Variants in XKR6 observed in about 807,000 individuals in gnomAD.
The protein encoded by XKR6 is XK related 6, also known as XK-related protein 6.
In XKR6, 22 loss-of-function variants were observed where a neutral mutation model predicts 56.7. That is an observed-to-expected ratio of 0.39 (90% CI 0.28 to 0.55). The LOEUF is 0.55. Ranked by LOEUF, XKR6 falls within the 20% of genes least tolerant of loss-of-function variation. The pLI is 0.66. For synonymous variants in XKR6, 524 were observed against 387.8 expected, an observed-to-expected ratio of 1.35 and a Z score of -4.13; for missense variants, 852 against 889.0, an observed-to-expected ratio of 0.96 and a Z score of 0.53.
rs143881192 is a variant in XKR6 at position 10,931,349 on chromosome 8, C to T, written c.765-6519G>A. Among the ~76,000 whole-genome samples, 920 of 151,988 alleles carry T rather than the reference C, an allele frequency of 6.1e-3. 8 individuals are homozygous for T. Among genetic ancestry groups the T allele is most frequent in the Middle Eastern group, 0.027 (8 of 294 alleles). On this transcript the variant is annotated intron_variant, in intron 1 of 2. Transcript: ENST00000416569. ...ATGCAATATAGTAAGATGACAATTG[C>T]CCTCAAATTAATCTACAGATGTAAC...
chr8:10,905,093 C>T (rs1800150289), intron 2 of XKR6, among the ~76,000 whole-genome samples: 2 of 152,130 alleles, frequency 1.3e-5, no homozygotes, highest in South Asian at 4.1e-4. Flanking sequence ...CAGCGGGTAG[C>T]CAGGGTCAAG....
At chr8:10,999,804 T>G (rs1055819672) in intron 1 of XKR6, among the ~76,000 whole-genome samples, 1 of 152,194 alleles carries the variant, frequency 6.6e-6, no homozygotes, top group Non-Finnish European at 1.5e-5. Context: ...CGGGACAGCA[T>G]GAGATGCTCA....
At chr8:11,049,914 T>A (rs1799502751) in intron 1 of XKR6, among the ~76,000 whole-genome samples, 1 of 152,108 alleles carries the variant, frequency 6.6e-6, no homozygotes, top group Non-Finnish European at 1.5e-5. Flanking sequence ...GAAGGACATT[T>A]CCCCCTTCTG....
intron 1 of XKR6, among the ~76,000 whole-genome samples, chr8:10,962,283 A>C (rs767131952): frequency 1.3e-5 from 2 of 152,132 alleles, no homozygotes; most frequent in Non-Finnish European, 2.9e-5. Flanking sequence ...ACATAGTACA[A>C]CTCTGTTCCC....
intron 1 of XKR6, among the ~76,000 whole-genome samples, chr8:11,007,785 T>C (rs1380092527): frequency 6.6e-6 from 1 of 152,208 alleles, no homozygotes; most frequent in Non-Finnish European, 1.5e-5. Flanking sequence ...AGTCTATCTC[T>C]GGTGTCCCCT....
At chr8:10,938,266 C>T (rs956500715) in intron 1 of XKR6, among the ~76,000 whole-genome samples, 15 of 152,282 alleles carry the variant, frequency 9.9e-5, no homozygotes, top group Middle Eastern at 6.8e-3. Flanking sequence ...GGCTCGCGCA[C>T]GGTGCGCGCA....
At chr8:11,005,567 C>G (rs1266278294) in intron 1 of XKR6, among the ~76,000 whole-genome samples, 1 of 152,092 alleles carries the variant, frequency 6.6e-6, no homozygotes, top group South Asian at 2.1e-4. Flanking sequence ...GGGAAGTTTT[C>G]TGTTATTTAT....
intron 1 of XKR6, among the ~76,000 whole-genome samples, chr8:10,998,733 T>C (rs1193868320): frequency 6.6e-6 from 1 of 152,188 alleles, no homozygotes; most frequent in Non-Finnish European, 1.5e-5. Context: ...CGCTGGGCTC[T>C]CTGCAGAGAA....
At chr8:11,023,120 C>T (rs1271293807) in intron 1 of XKR6, among the ~76,000 whole-genome samples, 2 of 152,204 alleles carry the variant, frequency 1.3e-5, no homozygotes, top group African/African-American at 4.8e-5. Context: ...GAACTCGTCT[C>T]AATCACTGAG....
intron 1 of XKR6, among the ~76,000 whole-genome samples, chr8:11,132,081 C>G (rs1358513970): frequency 3.9e-5 from 6 of 152,116 alleles, no homozygotes; most frequent in Admixed American, 1.3e-4. Context: ...CTGCTGCACT[C>G]CACTGACCCG....
intron 1 of XKR6, among the ~76,000 whole-genome samples, chr8:11,013,995 C>A (rs184279229): frequency 6.6e-6 from 1 of 152,236 alleles, no homozygotes. Flanking sequence ...TTTGTCCAAA[C>A]GTGCCTTTAC....
chr8:11,141,445 A>G (rs4840549), intron 1 of XKR6, among the ~76,000 whole-genome samples: 79,983 of 152,096 alleles, frequency 0.53, 25,016 homozygotes, highest in African/African-American at 0.86. Context: ...TGTGAAGCTG[A>G]AAGCCAGGAT....
At position 11,176,857 on chromosome 8, in the gene XKR6, C is replaced by T. The variant is rs150908789; in HGVS notation, c.764+23719G>A. ...TAGCTGGACGCTGGGCAAAGTCTGGCACCCTGGCAGCAAGATGCCCCTGCC... is the reference window on the plus strand; with the variant it reads ...TAGCTGGACGCTGGGCAAAGTCTGGTACCCTGGCAGCAAGATGCCCCTGCC... On this transcript the variant is annotated intron_variant, in intron 1 of 2. Transcript: ENST00000416569. 4.8e-3 allele frequency among the ~76,000 whole-genome samples: 733 copies of T among 152,326 alleles called. 2 individuals are homozygous for T. Among genetic ancestry groups the T allele is most frequent in the African/African-American group, 0.017 (707 of 41,570 alleles).
At chr8:11,195,198 G>A (rs765248313) in intron 1 of XKR6, 2 of 703,128 alleles carry the variant, frequency 2.8e-6, no homozygotes, top group Admixed American at 4.0e-5. Flanking sequence ...TCTTTTCCTT[G>A]ATGGTACCAA....
chr8:11,100,669 A>G (rs980200891), intron 1 of XKR6, among the ~76,000 whole-genome samples: 4 of 152,192 alleles, frequency 2.6e-5, no homozygotes, highest in African/African-American at 9.7e-5. Flanking sequence ...AACACAACAG[A>G]ATTTTGCTGT....
intron 1 of XKR6, among the ~76,000 whole-genome samples, chr8:10,962,194 C>T (rs528036169): frequency 1.3e-5 from 2 of 152,302 alleles, no homozygotes; most frequent in East Asian, 3.9e-4. Flanking sequence ...TAAGAAAATG[C>T]AAACCATAAG....
intron 1 of XKR6, chr8:11,137,602 T>C: frequency 2.2e-6 from 1 of 456,188 alleles, no homozygotes; most frequent in South Asian, 1.5e-5. Context: ...GAACCAGCTC[T>C]TCTACACCAA....
In XKR6 at chr8:11,108,668, G is replaced by T. The variant is rs79049995; in HGVS notation, c.764+91908C>A. On this transcript the variant is annotated intron_variant, in intron 1 of 2. Coordinates refer to ENST00000416569, the MANE Select transcript of XKR6 (RefSeq NM_173683.4). ...TGCCATGTGGCTCAGTTCTATGCGTGGAAAAGCAATGAGCGACCTTCAAGA... is the reference window on the plus strand; with the variant it reads ...TGCCATGTGGCTCAGTTCTATGCGTTGAAAAGCAATGAGCGACCTTCAAGA... The T allele has an allele frequency of 4.0e-3, 885 of 220,886 alleles. 12 individuals are homozygous for T. Among genetic ancestry groups the T allele is most frequent in the African/African-American group, 0.02 (848 of 42,606 alleles). 13.7% of individuals were successfully genotyped at this position (220,886 alleles called of 1,614,324 possible).
intron 1 of XKR6, among the ~76,000 whole-genome samples, chr8:11,181,402 T>C (rs1802973984): frequency 6.6e-6 from 1 of 152,336 alleles, no homozygotes; most frequent in African/African-American, 2.4e-5. Flanking sequence ...TTCTTGAATA[T>C]GGATCGCCTT....
Sources: gnomAD v4.1 joint callset for allele counts (sites outside exome capture counted in the v4.1 genomes callset) on GRCh38, gnomAD v4.1.1 for gene constraint, MANE v1.5 for transcripts, NCBI Gene and HGNC (gene_info 2026-07-23, HGNC 2026-07-21) for gene names.